Variants in MAST4 observed in about 807,000 individuals in gnomAD.
MAST4 encodes microtubule associated serine/threonine kinase family member 4, also known as microtubule-associated serine/threonine-protein kinase 4.
MAST4 carries 89 observed loss-of-function variants against 162.7 expected under a neutral mutation model. The observed-to-expected ratio is 0.55, with a 90% CI of 0.46 to 0.65. MAST4 has a LOEUF of 0.65. Ranked by LOEUF, MAST4 falls within the 30% of genes least tolerant of loss-of-function variation. The probability of loss-of-function intolerance (pLI) is 0.00; values close to 1 mark genes in which losing one functional copy is unlikely to be tolerated. For synonymous variants in MAST4, 1,479 were observed against 1,361.1 expected (o/e 1.09, Z -1.91); for missense variants, 3,153 against 3,374.0 (o/e 0.93, Z 1.62).
intron 5 of MAST4, among the ~76,000 whole-genome samples, chr5:67,062,368 A>T (rs1296345879): frequency 6.6e-6 from 1 of 152,130 alleles, no homozygotes; most frequent in Non-Finnish European, 1.5e-5. Context: ...ACTGCACTCC[A>T]GCCTGGGCGA....
In MAST4 at chr5:66,919,099, A is replaced by AACACACACACACAC. The variant is rs56340246; in HGVS notation, c.674+19143_674+19156dup. Among the ~76,000 whole-genome samples the AACACACACACACAC allele has an allele frequency of 9.0e-3, 1,276 of 142,278 alleles. 13 individuals carry two copies. The highest frequency in any genetic ancestry group is 0.022 in the South Asian group (92 of 4,220). 93.3% of individuals were successfully genotyped at this position (142,278 alleles called of 152,430 possible). The stretch of plus-strand genomic sequence containing the variant: ...GCCTGGGTGACAGAGCGAGACTCTC[A>AACACACACACACAC]ACACACACACACACACACACACACA... On this transcript the variant is annotated intron_variant, in intron 4 of 28. Coordinates refer to ENST00000403625, the MANE Select transcript of MAST4 (RefSeq NM_001164664.2).
intron 1 of MAST4, among the ~76,000 whole-genome samples, chr5:66,655,178 G>C (rs1282044903): frequency 6.6e-6 from 1 of 152,144 alleles, no homozygotes; most frequent in Non-Finnish European, 1.5e-5. Context: ...GAACTTTGGT[G>C]TTAAGTGCTT....
chr5:66,809,860 C>G (rs569836396), intron 3 of MAST4, among the ~76,000 whole-genome samples: 1 of 152,118 alleles, frequency 6.6e-6, no homozygotes, highest in Non-Finnish European at 1.5e-5. Flanking sequence ...CTCAGCTTCC[C>G]GAGTAGCTGG....
At chr5:66,869,402 A>C (rs1760763260) in intron 3 of MAST4, among the ~76,000 whole-genome samples, 1 of 152,168 alleles carries the variant, frequency 6.6e-6, no homozygotes, top group African/African-American at 2.4e-5. Flanking sequence ...GTCAACGGAT[A>C]GATTCTCTGT....
chr5:66,915,991 A>G (rs1282436039), intron 4 of MAST4, among the ~76,000 whole-genome samples: 1 of 152,236 alleles, frequency 6.6e-6, no homozygotes, highest in Non-Finnish European at 1.5e-5. Flanking sequence ...TGTCCAGTGC[A>G]GCAGCCACTA....
intron 1 of MAST4, among the ~76,000 whole-genome samples, chr5:66,673,521 T>TTC: frequency 7.2e-6 from 1 of 138,676 alleles, no homozygotes; most frequent in South Asian, 2.3e-4. Flanking sequence ...TTTTTGTTTT[T>TTC]TGTTTTTTGT....
chr5:66,730,592 A>G (rs904897895), intron 1 of MAST4, among the ~76,000 whole-genome samples: 1 of 152,220 alleles, frequency 6.6e-6, no homozygotes, highest in African/African-American at 2.4e-5. Context: ...TAATTTAAAC[A>G]GATTCTGAAC....
intron 3 of MAST4, among the ~76,000 whole-genome samples, chr5:66,896,911 A>T (rs1388723946): frequency 2.0e-5 from 3 of 152,188 alleles, no homozygotes; most frequent in Admixed American, 2.0e-4. Flanking sequence ...AAACAACAGG[A>T]TTCTCAGACA....
chr5:67,073,603 A>T (rs959220119), intron 5 of MAST4, among the ~76,000 whole-genome samples: 1 of 152,224 alleles, frequency 6.6e-6, no homozygotes, highest in African/African-American at 2.4e-5. Context: ...TAGCCAAATA[A>T]ATCAGTGAGT....
At chr5:67,090,440 C>A (rs1254038346) in intron 6 of MAST4, among the ~76,000 whole-genome samples, 54 of 40,374 alleles carry the variant, frequency 1.3e-3, no homozygotes, top group Non-Finnish European at 1.9e-3. Context: ...CCCCCTCCCC[C>A]TCCCCGCTTC....
At chr5:66,902,550 C>G (rs902943647) in intron 4 of MAST4, 4 of 276,342 alleles carry the variant, frequency 1.4e-5, no homozygotes, top group Non-Finnish European at 3.0e-5. Context: ...ACTATTCTGT[C>G]TAGAAAAAGA....
At chr5:66,808,023 C>T (rs1756288321) in intron 3 of MAST4, among the ~76,000 whole-genome samples, 2 of 152,210 alleles carry the variant, frequency 1.3e-5, no homozygotes, top group Admixed American at 6.5e-5. Context: ...TTTTTCCTTG[C>T]CCTTTCTTCT....
chr5:66,920,515 G>A (rs1764461808), intron 4 of MAST4, among the ~76,000 whole-genome samples: 1 of 152,048 alleles, frequency 6.6e-6, no homozygotes, highest in African/African-American at 2.4e-5. Flanking sequence ...TTATTAATAT[G>A]TTTCTCTTAT....
intron 3 of MAST4, among the ~76,000 whole-genome samples, chr5:66,892,210 G>A (rs1333442125): frequency 1.3e-5 from 2 of 152,198 alleles, no homozygotes; most frequent in Non-Finnish European, 2.9e-5. Context: ...TTATCCTTGA[G>A]ATTGAAGGTA....
At chr5:66,656,106 AG>A (rs1266182854) in intron 1 of MAST4, among the ~76,000 whole-genome samples, 1 of 152,216 alleles carries the variant, frequency 6.6e-6, no homozygotes, top group Non-Finnish European at 1.5e-5. Flanking sequence ...GATTTGAGAA[AG>A]GCAGGCTTGG....
At chr5:66,741,245 C>G (rs748397128) in intron 1 of MAST4, among the ~76,000 whole-genome samples, 29 of 152,198 alleles carry the variant, frequency 1.9e-4, no homozygotes, top group Non-Finnish European at 4.3e-4. Context: ...GATAGACTAA[C>G]CCTCATTCTT....
At chr5:66,675,816 A>G (rs1747909127) in intron 1 of MAST4, among the ~76,000 whole-genome samples, 1 of 152,250 alleles carries the variant, frequency 6.6e-6, no homozygotes, top group African/African-American at 2.4e-5. Context: ...GATATTCAGG[A>G]CACCAGCTGC....
chr5:66,854,908 G>A (rs79462883), intron 3 of MAST4, among the ~76,000 whole-genome samples: 1,979 of 152,146 alleles, frequency 0.013, 41 homozygotes, highest in South Asian at 0.085. Context: ...TTTTGTACCC[G>A]CCTTGACATT....
At chr5:66,778,243 T>C (rs1413310418) in intron 2 of MAST4, among the ~76,000 whole-genome samples, 2 of 152,248 alleles carry the variant, frequency 1.3e-5, no homozygotes, top group Non-Finnish European at 2.9e-5. Context: ...TCTCTGCAAC[T>C]GGAGTTTGGG....
Sources: gnomAD v4.1 joint callset for allele counts (sites outside exome capture counted in the v4.1 genomes callset) on GRCh38, gnomAD v4.1.1 for gene constraint, MANE v1.5 for transcripts, NCBI Gene and HGNC (gene_info 2026-07-23, HGNC 2026-07-21) for gene names.